The following KITLG variants were observed in gnomAD, a reference collection of about 807,000 sequenced individuals.
The protein encoded by KITLG is c-Kit ligand.
In KITLG, 13 loss-of-function variants were observed where a neutral mutation model predicts 34.1. That is an observed-to-expected ratio of 0.38 (90% CI 0.25 to 0.61). The LOEUF is 0.61. Ranked by LOEUF, KITLG falls within the 20% of genes least tolerant of loss-of-function variation. The probability of loss-of-function intolerance (pLI) is 0.60; values close to 1 mark genes in which losing one functional copy is unlikely to be tolerated. For missense variants in KITLG, 292 were observed against 318.9 expected, an observed-to-expected ratio of 0.92 and a Z score of 0.64; for synonymous variants, 110 against 104.0, an observed-to-expected ratio of 1.06 and a Z score of -0.35.
chr12:88,505,626 G>C (rs757048774), intron 8 of KITLG, among the ~76,000 whole-genome samples: 16 of 152,192 alleles, frequency 1.1e-4, no homozygotes, highest in Non-Finnish European at 2.2e-4. Flanking sequence ...ACAAGAGCCA[G>C]CTACAGTGAA....
At chr12:88,520,778 C>T (rs997282436) in intron 3 of KITLG, among the ~76,000 whole-genome samples, 5 of 152,090 alleles carry the variant, frequency 3.3e-5, no homozygotes, top group Non-Finnish European at 1.5e-5. Context: ...CTGTTGATCA[C>T]TATTTTCAAC....
At chr12:88,531,748 GA>G (rs1870101229) in intron 3 of KITLG, among the ~76,000 whole-genome samples, 1 of 152,062 alleles carries the variant, frequency 6.6e-6, no homozygotes, top group South Asian at 2.1e-4. Context: ...AGGAAAATGA[GA>G]AAATCTGTGG....
At chr12:88,563,253 C>T (rs1426552754) in intron 1 of KITLG, among the ~76,000 whole-genome samples, 1 of 152,160 alleles carries the variant, frequency 6.6e-6, no homozygotes, top group Non-Finnish European at 1.5e-5. Flanking sequence ...CTTTTAAATG[C>T]TAATCTTATC....
intron 2 of KITLG, among the ~76,000 whole-genome samples, chr12:88,534,523 C>T (rs1490826419): frequency 2.0e-5 from 3 of 151,988 alleles, no homozygotes; most frequent in Non-Finnish European, 4.4e-5. Flanking sequence ...CGCACCACTA[C>T]ACCTGGCTAA....
intron 6 of KITLG, among the ~76,000 whole-genome samples, chr12:88,513,546 C>G (rs917559334): frequency 2.6e-5 from 4 of 151,628 alleles, no homozygotes; most frequent in Non-Finnish European, 5.9e-5. Flanking sequence ...TTTAAAAATA[C>G]AGACAACAGA....
At position 88,561,900 on chromosome 12, in the gene KITLG, A is replaced by G. The variant is rs575716291; in HGVS notation, c.16-16035T>C. ...TCATCATTCAGGACTCAGTTCAAAT[A>G]TCACCTTCTCAGAGAAGCCTTCCCA... On this transcript the variant is annotated intron_variant, in intron 1 of 9. Coordinates refer to ENST00000644744, the MANE Select transcript of KITLG (RefSeq NM_000899.5). Among the ~76,000 whole-genome samples the G allele has an allele frequency of 7.2e-5, 11 of 152,288 alleles. No homozygotes were observed. The South Asian group carries it at 8.3e-4, about 11-fold the overall frequency.
chr12:88,552,917 C>T (rs1201315230), intron 1 of KITLG, among the ~76,000 whole-genome samples: 1 of 152,148 alleles, frequency 6.6e-6, no homozygotes, highest in African/African-American at 2.4e-5. Flanking sequence ...TTGCCTTACC[C>T]ATCTCATGAA....
intron 1 of KITLG, among the ~76,000 whole-genome samples, chr12:88,559,872 C>G (rs569158600): frequency 2.6e-5 from 4 of 152,312 alleles, no homozygotes; most frequent in Admixed American, 2.6e-4. Context: ...CATTGACATG[C>G]CTGAGACACA....
chr12:88,557,572 T>C (rs1320395927), intron 1 of KITLG, among the ~76,000 whole-genome samples: 2 of 152,130 alleles, frequency 1.3e-5, no homozygotes, highest in East Asian at 3.9e-4. Context: ...AGAAAACTGA[T>C]GGGTACTAGT....
chr12:88,566,579 C>T (rs761480342), intron 1 of KITLG, among the ~76,000 whole-genome samples: 2 of 152,106 alleles, frequency 1.3e-5, no homozygotes, highest in African/African-American at 4.8e-5. Flanking sequence ...TACCCAAATG[C>T]GAGGCCCTCA....
At chr12:88,571,100 G>A (rs1871635908) in intron 1 of KITLG, among the ~76,000 whole-genome samples, 1 of 152,106 alleles carries the variant, frequency 6.6e-6, no homozygotes, top group African/African-American at 2.4e-5. Context: ...CTAAGGATTG[G>A]TTTTAATTTT....
intron 4 of KITLG, 128 bp from the exon 5 acceptor site, chr12:88,516,618 G>A (rs907360389): frequency 1.8e-5 from 11 of 610,110 alleles, no homozygotes; most frequent in Non-Finnish European, 3.1e-5. Flanking sequence ...ACTTTTAGAT[G>A]GCTGTTTTAA....
chr12:88,531,929 ATTAGAATTAAT>A (rs932332085), intron 3 of KITLG, among the ~76,000 whole-genome samples: 5 of 152,172 alleles, frequency 3.3e-5, no homozygotes, highest in African/African-American at 4.8e-5. Context: ...TATATTCAGT[ATTAGAATTAAT>A]TTAGAATTAA....
At chr12:88,516,003 A>T (rs1320175587) in intron 5 of KITLG, among the ~76,000 whole-genome samples, 1 of 151,762 alleles carries the variant, frequency 6.6e-6, no homozygotes, top group Non-Finnish European at 1.5e-5. Context: ...CTTAAGAAAA[A>T]ATTTGAGAAG....
rs542816262 is a variant in KITLG, at chr12:88,578,955, T to C, written c.15+1309A>G. ...TGGTGATTCCAGGTGCGGTGCTCAA[T>C]GCCTTGCCTGAAAGCTAACCTGCTT... On this transcript the variant is annotated intron_variant, in intron 1 of 9. Transcript: ENST00000644744. Among the ~76,000 whole-genome samples the C allele has an allele frequency of 6.0e-4, 91 of 152,330 alleles. 1 individual carries two copies. The South Asian group carries it at 0.013, about 22-fold the overall frequency.
At chr12:88,521,558 C>T (rs984331633) in intron 3 of KITLG, among the ~76,000 whole-genome samples, 12 of 151,956 alleles carry the variant, frequency 7.9e-5, no homozygotes, top group Non-Finnish European at 1.8e-4. Context: ...TAAATATTTA[C>T]TCAATGATAT....
At chr12:88,533,130 T>A (rs1410858929) in intron 2 of KITLG, among the ~76,000 whole-genome samples, 2 of 152,204 alleles carry the variant, frequency 1.3e-5, no homozygotes, top group Admixed American at 1.3e-4. Context: ...ATTCATTTTG[T>A]GATGTAACTT....
In KITLG at chr12:88,497,053, A is replaced by G; in HGVS notation, c.*166T>C. On this transcript the variant is annotated 3_prime_UTR_variant, in exon 10 of 10. Coordinates refer to ENST00000644744, the MANE Select transcript of KITLG (RefSeq NM_000899.5). ...GTTTCACAGTAAAACATTCTGTTCC[A>G]ATTTCTGAATCATCCATATAAAGTC... The G allele has an allele frequency of 2.8e-6, 1 of 358,414 alleles. No individual in the cohort carries two copies. Among genetic ancestry groups the G allele is most frequent in the South Asian group, 2.1e-5 (1 of 47,240 alleles). 22.2% of individuals were successfully genotyped at this position (358,414 alleles called of 1,614,324 possible).
chr12:88,530,292 G>T (rs2120874348), intron 3 of KITLG, among the ~76,000 whole-genome samples: 1 of 152,100 alleles, frequency 6.6e-6, no homozygotes, highest in East Asian at 1.9e-4. Flanking sequence ...ATGACCTACG[G>T]GTTTCTTTTT....
Sources: allele counts gnomAD v4.1 joint callset (sites outside exome capture counted in the v4.1 genomes callset), GRCh38; gene constraint gnomAD v4.1.1; transcripts MANE v1.5; gene names NCBI Gene and HGNC (gene_info 2026-07-23, HGNC 2026-07-21).